The following KDM5A variants were observed in gnomAD, a reference collection of about 807,000 sequenced individuals.
The protein encoded by KDM5A is lysine demethylase 5A.
Under a neutral mutation model 193.5 loss-of-function variants are expected in KDM5A, and 42 were observed. The ratio of observed to expected loss-of-function variants is 0.22; its 90% CI spans 0.17 to 0.28. The LOEUF is 0.28. Ranked by LOEUF, KDM5A falls within the 10% of genes least tolerant of loss-of-function variation. KDM5A has a pLI of 1.00. For missense variants in KDM5A, 1,692 were observed against 2,055.1 expected (o/e 0.82, Z 3.42); for synonymous variants, 796 against 718.1 (o/e 1.11, Z -1.73).
Position 307,873 on chromosome 12 carries a change from T to C in KDM5A, c.3511A>G (p.Ser1171Gly). The change falls in exon 23 of 28, where the codon AGT becomes GGT. Residue 1171 changes from serine (S) to glycine (G), a missense_variant. Ser to Gly is a moderately conservative substitution (Grantham distance 56). Around this residue, in one of 11 missense-constraint regions of KDM5A, gnomAD observed 965 missense variants for 1,061.0 expected, o/e 0.91. Transcript: ENST00000399788. The surrounding 1 kb of genome is among the most constrained non-coding windows in gnomAD (Gnocchi z 4.3). ...AGCTCACACTGTAGCATAAACCCACTGGCTGTCTTGCGGCAAATGCAAAAT... is the reference window on the plus strand; with the variant it reads ...AGCTCACACTGTAGCATAAACCCACCGGCTGTCTTGCGGCAAATGCAAAAT... ...VKFCICRKTA[S>G]GFMLQCELCK... is the part of the protein sequence containing the mutation. 1.2e-6 allele frequency: 2 copies of C among 1,614,154 alleles called. No homozygotes were observed. The highest frequency in any genetic ancestry group is 2.2e-5 in the East Asian group (1 of 44,884).
rs879178802 is a variant in KDM5A, at chr12:282,351, G to A, written c.*3105C>T. On this transcript the variant is annotated 3_prime_UTR_variant, in exon 28 of 28. Coordinates refer to ENST00000399788, the MANE Select transcript of KDM5A (RefSeq NM_001042603.3). ...GGTAATCACAGGTTTAATGTTTGCC[G>A]TTTCCATTATTCAAGGTATGACATG... The A allele has an allele frequency of 3.0e-5, 7 of 233,174 alleles. No homozygotes were observed. Among genetic ancestry groups the A allele is most frequent in the African/African-American group, 1.1e-4 (5 of 45,298 alleles). 14.4% of individuals were successfully genotyped at this position (233,174 alleles called of 1,614,324 possible). A position where few individuals can be genotyped will look rare whatever the true frequency, so the allele number is the denominator to read the frequency against.
At position 323,202 on chromosome 12, in the gene KDM5A, G is replaced by C; in HGVS notation, c.2155C>G (p.Arg719Gly). 1 of 302,926 alleles carries C rather than the reference G, an allele frequency of 3.3e-6. No homozygotes were observed. Among genetic ancestry groups the C allele is most frequent in the Non-Finnish European group, 6.3e-6 (1 of 158,472 alleles). The allele number at this position is 302,926 out of a possible 1,614,324, so 18.8% of individuals were successfully genotyped here. ...CPMQKKCLRYRYPLEDLPSLL... is the reference protein window; with the variant it reads ...CPMQKKCLRYGYPLEDLPSLL... The stretch of plus-strand genomic sequence containing the variant: ...GAAGGGAGGTCTTCTAATGGGTAGC[G>C]ATATCTACAAAAAAAAAAAAAAAAA... The change falls in exon 16 of 28, where the codon CGC becomes GGC. Residue 719 changes from arginine to glycine, a missense_variant. By Grantham distance (125) the Arg-to-Gly change is moderately radical (BLOSUM62 -2). Transcript: ENST00000399788.
At chr12:354,541 G>A (rs1407566354) in intron 7 of KDM5A, among the ~76,000 whole-genome samples, 1 of 152,160 alleles carries the variant, frequency 6.6e-6, no homozygotes, top group Non-Finnish European at 1.5e-5. Flanking sequence ...GCCACAGTGG[G>A]CAGATCACGA....
chr12:353,878 C>T (rs539110245), intron 8 of KDM5A, among the ~76,000 whole-genome samples, 198 bp downstream of exon 8: 45 of 143,446 alleles, frequency 3.1e-4, no homozygotes, highest in African/African-American at 1.0e-3. Context: ...GCTGAGATCA[C>T]ACCATTGCAT....
At chr12:385,206 T>C (rs552428732) in intron 2 of KDM5A, among the ~76,000 whole-genome samples, 26 of 149,670 alleles carry the variant, frequency 1.7e-4, no homozygotes, top group African/African-American at 6.1e-4. Flanking sequence ...AAAAAGTATG[T>C]ATTAAACTCT....
At position 352,137 on chromosome 12, in the gene KDM5A, A is replaced by G. The variant is rs1944168842; in HGVS notation, c.1149+68T>C. 1.6e-5 allele frequency: 16 copies of G among 1,018,200 alleles called. No homozygotes were observed. The Admixed American group carries it at 1.7e-4, about 11-fold the overall frequency. The allele number at this position is 1,018,200 out of a possible 1,614,324, so 63.1% of individuals were successfully genotyped here. A position where few individuals can be genotyped will look rare whatever the true frequency, so the allele number is the denominator to read the frequency against. On this transcript the variant is annotated intron_variant, in intron 9 of 27. Transcript: ENST00000399788. The stretch of plus-strand genomic sequence containing the variant: ...AAAAAAAAAAAAAAAAAAAGAGGAA[A>G]CTGAAGGCTTTGTACTCAGGTAAAT...
intron 5 of KDM5A, among the ~76,000 whole-genome samples, chr12:357,700 C>G (rs1010208893): frequency 6.6e-6 from 1 of 151,332 alleles, no homozygotes; most frequent in African/African-American, 2.4e-5. Flanking sequence ...TGGTGGCGCA[C>G]GCCTATAGTC....
At chr12:386,045 A>AG in intron 1 of KDM5A, 71 bp from the exon 2 acceptor site, 1 of 1,231,640 alleles carries the variant, frequency 8.1e-7, no homozygotes, top group Non-Finnish European at 1.2e-6. Flanking sequence ...ATTCCCTTAA[A>AG]GGGGGGTTTT....
chr12:372,355 G>C (rs186354849), intron 3 of KDM5A, among the ~76,000 whole-genome samples: 40 of 152,298 alleles, frequency 2.6e-4, no homozygotes, highest in Admixed American at 2.2e-3. Context: ...TATTCTGTTT[G>C]AAGCAATTGT....
chr12:329,587 A>G (rs4980881), intron 13 of KDM5A, among the ~76,000 whole-genome samples: 53,172 of 151,958 alleles, frequency 0.35, 9,876 homozygotes, highest in East Asian at 0.57. Flanking sequence ...AACAAAGGAC[A>G]ATTTAGATTT....
At chr12:299,298 G>A (rs1400040116) in intron 24 of KDM5A, among the ~76,000 whole-genome samples, 1 of 152,198 alleles carries the variant, frequency 6.6e-6, no homozygotes. Flanking sequence ...CAGCCAGAGA[G>A]AAAGGTCAAG....
chr12:347,479 A>T (rs1413721808), intron 10 of KDM5A, among the ~76,000 whole-genome samples: 1 of 152,206 alleles, frequency 6.6e-6, no homozygotes, highest in Non-Finnish European at 1.5e-5. Context: ...AAAAGAACAA[A>T]GCTGGAGGCA....
At chr12:319,016 A>T (rs1457127303) in intron 18 of KDM5A, among the ~76,000 whole-genome samples, 1 of 152,338 alleles carries the variant, frequency 6.6e-6, no homozygotes, top group Middle Eastern at 3.4e-3. Flanking sequence ...ATAATTGCAA[A>T]CGCTTTTAAA....
chr12:341,441 C>T (rs1254363875), intron 10 of KDM5A, among the ~76,000 whole-genome samples: 1 of 152,040 alleles, frequency 6.6e-6, no homozygotes, highest in Non-Finnish European at 1.5e-5. Context: ...ATTATCCTAA[C>T]TTTGTTATCC....
intron 1 of KDM5A, among the ~76,000 whole-genome samples, chr12:386,863 T>C (rs974626410): frequency 2.0e-5 from 3 of 151,882 alleles, no homozygotes; most frequent in Admixed American, 6.6e-5. Context: ...AATGAGGTCA[T>C]GTACCACAAA....
chr12:302,400 C>T (rs2137379689), intron 24 of KDM5A, among the ~76,000 whole-genome samples: 1 of 152,134 alleles, frequency 6.6e-6, no homozygotes, highest in South Asian at 2.1e-4. Context: ...TTTGACAAAC[C>T]TGACAAAAAG....
chr12:359,799 AAGGGAGGGAGGGAGAAGGGAGGCAAGG>A (rs1317026469), intron 5 of KDM5A, among the ~76,000 whole-genome samples: 2 of 131,654 alleles, frequency 1.5e-5, no homozygotes, highest in Non-Finnish European at 3.2e-5. Flanking sequence ...TGAAGGGAAG[AAGGGAGGGAGGGAGAAGGGAGGCAAGG>A]AGGGAGGGAG....
At chr12:362,895 C>A (rs1944309366) in intron 5 of KDM5A, 68 bp downstream of exon 5, 3 of 1,487,910 alleles carry the variant, frequency 2.0e-6, no homozygotes, top group East Asian at 2.3e-5. Context: ...GAGTTCAAGG[C>A]TAGCCTGGGC....
chr12:347,961 T>G (rs1223940320), intron 10 of KDM5A, among the ~76,000 whole-genome samples: 2 of 152,056 alleles, frequency 1.3e-5, no homozygotes, highest in Admixed American at 6.5e-5. Flanking sequence ...GAAACTACCA[T>G]CAGAGTAAAC....
Sources: allele counts gnomAD v4.1 joint callset (sites outside exome capture counted in the v4.1 genomes callset), GRCh38; gene constraint gnomAD v4.1.1; regional missense constraint gnomAD v4.1.1; non-coding constraint Gnocchi (gnomAD v3.1); transcripts MANE v1.5; gene names NCBI Gene and HGNC (gene_info 2026-07-23, HGNC 2026-07-21).